Variants in BCAS3 observed in about 807,000 individuals in gnomAD.
BCAS3 encodes BCAS3 microtubule associated cell migration factor.
Under a neutral mutation model 116.1 loss-of-function variants are expected in BCAS3, and 53 were observed. That is an observed-to-expected ratio of 0.46 (90% CI 0.37 to 0.57). The LOEUF (loss-of-function observed/expected upper bound fraction) is 0.57, where lower values mean the gene tolerates loss of function less well. BCAS3 is among the 20% of genes least tolerant of loss of function. BCAS3 has a pLI of 0.00. For missense variants in BCAS3, 917 were observed against 1,165.4 expected (o/e 0.79, Z 3.10); for synonymous variants, 391 against 408.2 (o/e 0.96, Z 0.51).
At chr17:61,295,954 CAA>C (rs11332478) in intron 22 of BCAS3, among the ~76,000 whole-genome samples, 43 of 79,920 alleles carry the variant, frequency 5.4e-4, no homozygotes, top group African/African-American at 9.4e-4. Context: ...GACTCCGTCT[CAA>C]AAAAAAAAAA....
intron 22 of BCAS3, among the ~76,000 whole-genome samples, chr17:61,330,064 T>C (rs920912642): frequency 6.6e-6 from 1 of 152,216 alleles, no homozygotes; most frequent in Non-Finnish European, 1.5e-5. Context: ...GAATTTAGTC[T>C]AGATGCCCGG....
At chr17:61,044,151 A>G (rs972586164) in intron 19 of BCAS3, among the ~76,000 whole-genome samples, 1 of 151,936 alleles carries the variant, frequency 6.6e-6, no homozygotes, top group Non-Finnish European at 1.5e-5. Flanking sequence ...CAGAAAAAAA[A>G]ATATGCCTTA....
At chr17:60,771,147 G>C (rs542631524) in intron 6 of BCAS3, among the ~76,000 whole-genome samples, 1 of 152,144 alleles carries the variant, frequency 6.6e-6, no homozygotes, top group South Asian at 2.1e-4. Flanking sequence ...ACCTTACTTA[G>C]ATCTCATGGT....
rs1318321452 is a variant in BCAS3, at chr17:61,249,256, C to T, written c.2426-119071C>T. Reference sequence around the variant, plus strand: ...GAGCCGAGATCACACCACTGCACTCCAGCCTGGGCAACAAGAGTGAAACTC... The same window carrying T: ...GAGCCGAGATCACACCACTGCACTCTAGCCTGGGCAACAAGAGTGAAACTC... On this transcript the variant is annotated intron_variant, in intron 22 of 23. Coordinates refer to ENST00000407086, the MANE Select transcript of BCAS3 (RefSeq NM_017679.5). This position sits in a 1 kb window ranked among gnomAD's most constrained non-coding sequence, Gnocchi z 6.2. Among the ~76,000 whole-genome samples, 1 of 152,168 alleles carries T rather than the reference C, an allele frequency of 6.6e-6. No individual in the cohort carries two copies. Among genetic ancestry groups the T allele is most frequent in the Non-Finnish European group, 1.5e-5 (1 of 68,042 alleles).
In BCAS3 at chr17:61,124,311, G is replaced by A. The variant is rs2075949168; in HGVS notation, c.2425+39747G>A. Reference sequence around the variant, plus strand: ...TCTATTAACAAATAATTGCCCTTGGGTTCTTTTCCTGGTATCTCGAGCCAC... The same window carrying A: ...TCTATTAACAAATAATTGCCCTTGGATTCTTTTCCTGGTATCTCGAGCCAC... On this transcript the variant is annotated intron_variant, in intron 22 of 23. Coordinates refer to ENST00000407086, the MANE Select transcript of BCAS3 (RefSeq NM_017679.5). The surrounding 1 kb of genome is among the most constrained non-coding windows in gnomAD (Gnocchi z 4.6). 6.6e-6 allele frequency among the ~76,000 whole-genome samples: 1 copy of A among 151,860 alleles called. No individual in the cohort carries two copies. The highest frequency in any genetic ancestry group is 1.5e-5 in the Non-Finnish European group (1 of 67,964).
chr17:60,771,742 C>T (rs1568216054), intron 6 of BCAS3, among the ~76,000 whole-genome samples: 1 of 152,126 alleles, frequency 6.6e-6, no homozygotes, highest in Non-Finnish European at 1.5e-5. Context: ...TGATGGTCCC[C>T]CACCCTGTGT....
chr17:61,272,636 C>CAAAAAAAAAA lies in BCAS3; in HGVS notation c.2426-95669_2426-95660dup, dbSNP rs373837874. On this transcript the variant is annotated intron_variant, in intron 22 of 23. Coordinates refer to ENST00000407086, the MANE Select transcript of BCAS3 (RefSeq NM_017679.5). The stretch of plus-strand genomic sequence containing the variant: ...CTGGTGACAGAGTGAAACCCTGTCT[C>CAAAAAAAAAA]AAAAAAAAAAAAAAAAAAAAAAAAA... Among the ~76,000 whole-genome samples, 23 of 47,386 alleles carry CAAAAAAAAAA rather than the reference C, an allele frequency of 4.9e-4. 1 individual carries two copies. Among genetic ancestry groups the CAAAAAAAAAA allele is most frequent in the Admixed American group, 8.6e-4 (2 of 2,328 alleles). The allele number at this position is 47,386 out of a possible 152,430, so 31.1% of individuals were successfully genotyped here.
chr17:61,141,080 C>T lies in BCAS3; in HGVS notation c.2425+56516C>T, dbSNP rs1445665378. 6.6e-6 allele frequency among the ~76,000 whole-genome samples: 1 copy of T among 152,088 alleles called. No individual in the cohort carries two copies. Among genetic ancestry groups the T allele is most frequent in the African/African-American group, 2.4e-5 (1 of 41,408 alleles). On this transcript the variant is annotated intron_variant, in intron 22 of 23. Transcript: ENST00000407086. The surrounding 1 kb of genome is among the most constrained non-coding windows in gnomAD (Gnocchi z 4.3). ...CCTGTACAGCGGGACTAGGCTGGTTCATTTCAACACAGTAATGAGTATTCA... is the reference window on the plus strand; with the variant it reads ...CCTGTACAGCGGGACTAGGCTGGTTTATTTCAACACAGTAATGAGTATTCA...
rs201583084 is a variant in BCAS3, at chr17:61,220,706, GA to G, written c.2425+136151del. On this transcript the variant is annotated intron_variant, in intron 22 of 23. Coordinates refer to ENST00000407086, the MANE Select transcript of BCAS3 (RefSeq NM_017679.5). The surrounding 1 kb of genome is among the most constrained non-coding windows in gnomAD (Gnocchi z 4.5). Reference sequence around the variant, plus strand: ...AAGGGAACTAGTGGTAAGAATGGAAGAAAAAAAAAGTGGCCAAATTAACAAG... The same window carrying G: ...AAGGGAACTAGTGGTAAGAATGGAAGAAAAAAAAGTGGCCAAATTAACAAG... Among the ~76,000 whole-genome samples, 3 of 151,118 alleles carry G rather than the reference GA, an allele frequency of 2.0e-5. No individual in the cohort carries two copies. The highest frequency in any genetic ancestry group is 7.3e-5 in the African/African-American group (3 of 41,186).
intron 16 of BCAS3, among the ~76,000 whole-genome samples, chr17:61,033,187 G>A (rs148019848): frequency 6.6e-6 from 1 of 152,274 alleles, no homozygotes; most frequent in East Asian, 1.9e-4. Flanking sequence ...AACTTTACCT[G>A]CTTTGTCTAA....
chr17:61,165,017 T>C (rs2078404474), intron 22 of BCAS3, among the ~76,000 whole-genome samples: 1 of 152,222 alleles, frequency 6.6e-6, no homozygotes, highest in Non-Finnish European at 1.5e-5. Flanking sequence ...TGATCCTTAG[T>C]TGGTTCTCCA....
intron 6 of BCAS3, among the ~76,000 whole-genome samples, chr17:60,784,317 T>C (rs1327658585): frequency 6.7e-6 from 1 of 148,986 alleles, no homozygotes; most frequent in African/African-American, 2.5e-5. Flanking sequence ...TTTTTTTTTT[T>C]TTTGAGACGG....
At chr17:60,999,546 C>CAAAAAAAA (rs1021249439) in intron 15 of BCAS3, among the ~76,000 whole-genome samples, 1 of 62,906 alleles carries the variant, frequency 1.6e-5, no homozygotes, top group African/African-American at 4.4e-5. Flanking sequence ...GACTGTGTCT[C>CAAAAAAAA]AAAAAAAAAA....
At chr17:60,851,108 A>G (rs1451902892) in intron 7 of BCAS3, among the ~76,000 whole-genome samples, 2 of 152,210 alleles carry the variant, frequency 1.3e-5, no homozygotes, top group Admixed American at 1.3e-4. Flanking sequence ...TAAAATTAAA[A>G]ACTTTTGCTC....
chr17:60,957,099 G>A (rs965995819), intron 14 of BCAS3, among the ~76,000 whole-genome samples: 2 of 152,144 alleles, frequency 1.3e-5, no homozygotes, highest in Admixed American at 6.5e-5. Flanking sequence ...GTTTTCAACA[G>A]TAAGTATAAA....
intron 22 of BCAS3, among the ~76,000 whole-genome samples, chr17:61,153,948 C>T (rs1001675650): frequency 2.6e-5 from 4 of 152,156 alleles, no homozygotes; most frequent in African/African-American, 9.7e-5. Flanking sequence ...CACTAGCCAG[C>T]TTAAAAGTCT....
At position 61,041,394 on chromosome 17, in the gene BCAS3, G is replaced by A. The variant is rs1307973249; in HGVS notation, c.2029+502G>A. Among the ~76,000 whole-genome samples the A allele has an allele frequency of 1.3e-5, 2 of 152,144 alleles. No individual in the cohort carries two copies. The highest frequency in any genetic ancestry group is 6.5e-5 in the Admixed American group (1 of 15,280). On this transcript the variant is annotated intron_variant, in intron 19 of 23. Coordinates refer to ENST00000407086, the MANE Select transcript of BCAS3 (RefSeq NM_017679.5). The surrounding 1 kb of genome is among the most constrained non-coding windows in gnomAD (Gnocchi z 4.7). ...TGTTTGTTTACTTATATGTTTAAGC[G>A]TGAGCATTTGTAGAGACTGAACCAA...
chr17:61,104,261 C>T lies in BCAS3; in HGVS notation c.2425+19697C>T, dbSNP rs1240592912. On this transcript the variant is annotated intron_variant, in intron 22 of 23. Transcript: ENST00000407086. The surrounding 1 kb of genome is among the most constrained non-coding windows in gnomAD (Gnocchi z 4.1). ...CAGCAAAGATGCTGAGAGTTTTATT[C>T]CAGTCTTTTAGGAGGCGAGACCTTG... Among the ~76,000 whole-genome samples the T allele has an allele frequency of 6.6e-6, 1 of 152,120 alleles. No individual in the cohort carries two copies.
At chr17:60,702,574 T>C (rs1372093019) in intron 4 of BCAS3, among the ~76,000 whole-genome samples, 2 of 152,100 alleles carry the variant, frequency 1.3e-5, no homozygotes, top group Admixed American at 6.6e-5. Flanking sequence ...CTAAGGACTA[T>C]TGTTAAAAAA....
Sources: gnomAD v4.1 joint callset for allele counts (sites outside exome capture counted in the v4.1 genomes callset) on GRCh38, gnomAD v4.1.1 for gene constraint, Gnocchi (gnomAD v3.1) non-coding constraint, MANE v1.5 for transcripts, NCBI Gene and HGNC (gene_info 2026-07-23, HGNC 2026-07-21) for gene names.